Variants in CFLAR observed in about 807,000 individuals in gnomAD.
CFLAR encodes the protein CASP8 and FADD-like apoptosis regulator.
In CFLAR, 14 loss-of-function variants were observed where a neutral mutation model predicts 51.1. The observed-to-expected ratio is 0.27, with a 90% CI of 0.18 to 0.43. The LOEUF (loss-of-function observed/expected upper bound fraction) is 0.43, where lower values mean the gene tolerates loss of function less well. Ranked by LOEUF, CFLAR falls within the 20% of genes least tolerant of loss-of-function variation. CFLAR has a pLI of 1.00. For synonymous variants in CFLAR, 210 were observed against 211.6 expected (o/e 0.99, Z 0.06); for missense variants, 390 against 566.5 (o/e 0.69, Z 3.16).
chr2:201,140,133 G>GGT, intron 4 of CFLAR: 1 of 282,790 alleles, frequency 3.5e-6, no homozygotes, highest in Non-Finnish European at 6.5e-6. Context: ...GGGTGGGCTG[G>GGT]GGGCGGGGGC....
chr2:201,168,276 G>A lies in CFLAR; in HGVS notation c.*4303G>A, dbSNP rs1355778314. On this transcript the variant is annotated 3_prime_UTR_variant, in exon 10 of 10. Coordinates refer to ENST00000309955, the MANE Select transcript of CFLAR (RefSeq NM_003879.7). ...TAAATAAATAAATAATAAATAAAAT[G>A]TTTGGAATGTTGGCTTCATCCCTGG... 1.3e-5 allele frequency: 2 copies of A among 151,922 alleles called. No homozygotes were observed. The highest frequency in any genetic ancestry group is 2.9e-5 in the Non-Finnish European group (2 of 67,970). The allele number at this position is 151,922 out of a possible 1,614,324, so 9.4% of individuals were successfully genotyped here. A position where few individuals can be genotyped will look rare whatever the true frequency, so the allele number is the denominator to read the frequency against.
intron 8 of CFLAR, among the ~76,000 whole-genome samples, chr2:201,155,036 G>A (rs1484781954): frequency 6.6e-6 from 1 of 152,212 alleles, no homozygotes; most frequent in Non-Finnish European, 1.5e-5. Flanking sequence ...TGGTAGAATT[G>A]AAAAATAAGT....
chr2:201,129,905 G>C lies in CFLAR; in HGVS notation c.40G>C (p.Asp14His). The C allele has an allele frequency of 6.2e-7, 1 of 1,614,164 alleles. No individual in the cohort carries two copies. The highest frequency in any genetic ancestry group is 8.5e-7 in the Non-Finnish European group (1 of 1,180,028). Residue 14 changes from aspartate (D) to histidine (H), a missense_variant, in exon 2 of 10, where the codon GAT becomes CAT. Around this residue, in one of 2 missense-constraint regions of CFLAR, gnomAD observed 103 missense variants for 202.9 expected, o/e 0.51. Coordinates refer to ENST00000309955, the MANE Select transcript of CFLAR (RefSeq NM_003879.7). ...EVIHQVEEAL[D>H]TDEKEMLLFL... Reference sequence around the variant, plus strand: ...CATCCATCAGGTTGAAGAAGCACTTGATACAGATGAGAAGGAGATGCTGCT... The same window carrying C: ...CATCCATCAGGTTGAAGAAGCACTTCATACAGATGAGAAGGAGATGCTGCT...
chr2:201,159,344 CTGTT>C (rs1559246409), intron 8 of CFLAR, among the ~76,000 whole-genome samples: 3 of 151,826 alleles, frequency 2.0e-5, no homozygotes, highest in African/African-American at 7.3e-5. Flanking sequence ...GAGTCTCACT[CTGTT>C]GCCCAGGCTG....
At chr2:201,163,778 C>T in intron 9 of CFLAR, 57 bp from the exon 10 acceptor site, 4 of 1,567,408 alleles carry the variant, frequency 2.6e-6, no homozygotes, top group Non-Finnish European at 3.5e-6. Context: ...GCCCTAATGA[C>T]AGTCTTCTCT....
rs1308902839 is a variant in CFLAR at position 201,171,836 on chromosome 2, C to G, written c.*7863C>G. The stretch of plus-strand genomic sequence containing the variant: ...GTTAGCTCAGCCAAATTGAACAGCT[C>G]ATATCTCCTACCTCTGGATCTTTGG... On this transcript the variant is annotated 3_prime_UTR_variant, in exon 10 of 10. Transcript: ENST00000309955. The G allele has an allele frequency of 6.7e-6, 1 of 150,028 alleles. No individual in the cohort carries two copies. The highest frequency in any genetic ancestry group is 1.5e-5 in the Non-Finnish European group (1 of 68,034). The allele number at this position is 150,028 out of a possible 1,614,324, so 9.3% of individuals were successfully genotyped here.
intron 1 of CFLAR, among the ~76,000 whole-genome samples, chr2:201,126,923 A>C (rs2048769691): frequency 1.3e-5 from 2 of 152,214 alleles, no homozygotes. Flanking sequence ...CTTCTGCAAG[A>C]GAAATGAAAC....
intron 9 of CFLAR, among the ~76,000 whole-genome samples, chr2:201,161,255 C>T (rs1278322988): frequency 6.6e-6 from 1 of 152,046 alleles, no homozygotes; most frequent in East Asian, 1.9e-4. Flanking sequence ...CTTATAGTCC[C>T]AACTGCTTGG....
chr2:201,170,786 CA>C lies in CFLAR; in HGVS notation c.*6818del, dbSNP rs1453114585. 1.3e-5 allele frequency: 2 copies of C among 152,120 alleles called. No homozygotes were observed. The highest frequency in any genetic ancestry group is 4.8e-5 in the African/African-American group (2 of 41,432). 9.4% of individuals were successfully genotyped at this position (152,120 alleles called of 1,614,324 possible). On this transcript the variant is annotated 3_prime_UTR_variant, in exon 10 of 10. Transcript: ENST00000309955. ...ATTTTGAAGTCTGCTTTTTTTTACACAAAAATATGTTGTGAATATTTTCCTA... is the reference window on the plus strand; with the variant it reads ...ATTTTGAAGTCTGCTTTTTTTTACACAAAATATGTTGTGAATATTTTCCTA...
intron 9 of CFLAR, 90 bp downstream of exon 9, chr2:201,161,032 C>A: frequency 1.1e-6 from 1 of 898,182 alleles, no homozygotes; most frequent in East Asian, 2.5e-5. Flanking sequence ...ATTTGCTGCC[C>A]ATCTCTTCCG....
At position 201,164,228 on chromosome 2, in the gene CFLAR, G is replaced by A. The variant is rs530826788; in HGVS notation, c.*255G>A. The stretch of plus-strand genomic sequence containing the variant: ...CATAGCATGCTGTGATTGTGCCTAC[G>A]AATAGCCACTGCATACCAACCTGGG... On this transcript the variant is annotated 3_prime_UTR_variant, in exon 10 of 10. Transcript: ENST00000309955. 121 of 264,434 alleles carry A rather than the reference G, an allele frequency of 4.6e-4. No homozygotes were observed. Among genetic ancestry groups the A allele is most frequent in the African/African-American group, 2.4e-3 (104 of 43,906 alleles). The allele number at this position is 264,434 out of a possible 1,614,324, so 16.4% of individuals were successfully genotyped here.
At chr2:201,137,715 T>C (rs754973608) in intron 4 of CFLAR, 1 of 775,830 alleles carries the variant, frequency 1.3e-6, no homozygotes, top group Non-Finnish European at 2.3e-6. Flanking sequence ...GGACCCTTTG[T>C]CCTGGATGGA....
chr2:201,156,080 C>A (rs1942132522), intron 8 of CFLAR, among the ~76,000 whole-genome samples: 1 of 152,178 alleles, frequency 6.6e-6, no homozygotes, highest in Non-Finnish European at 1.5e-5. Context: ...TATTTATAAG[C>A]TTTGCTTCCC....
intron 8 of CFLAR, among the ~76,000 whole-genome samples, chr2:201,156,796 G>C (rs1401264757): frequency 1.3e-5 from 2 of 151,428 alleles, no homozygotes; most frequent in African/African-American, 4.9e-5. Flanking sequence ...GGTTGAGTGT[G>C]GGATTTCCAG....
rs1486733676 is a variant in CFLAR, at chr2:201,164,513, A to G, written c.*540A>G. ...TGTTTGAGGGCAGGAAGCATTCAGCATGAGAGAAAGATGGAGGCCAGAAGA... is the reference window on the plus strand; with the variant it reads ...TGTTTGAGGGCAGGAAGCATTCAGCGTGAGAGAAAGATGGAGGCCAGAAGA... On this transcript the variant is annotated 3_prime_UTR_variant, in exon 10 of 10. Transcript: ENST00000309955. 2.0e-5 allele frequency: 3 copies of G among 152,226 alleles called. No homozygotes were observed. The highest frequency in any genetic ancestry group is 7.2e-5 in the African/African-American group (3 of 41,424). The allele number at this position is 152,226 out of a possible 1,614,324, so 9.4% of individuals were successfully genotyped here. A position where few individuals can be genotyped will look rare whatever the true frequency, so the allele number is the denominator to read the frequency against.
Position 201,138,396 on chromosome 2 carries a change from T to C in CFLAR, c.524-1961T>C. On this transcript the variant is annotated intron_variant, in intron 4 of 9. Transcript: ENST00000309955. This position sits in a 1 kb window ranked among gnomAD's most constrained non-coding sequence, Gnocchi z 4.0. ...CGGTTCTTCAGCGCGGTGCAGGTGA[T>C]AATGGCCACCAGCTCATCGCGATCA... The C allele has an allele frequency of 1.3e-6, 1 of 781,062 alleles. No individual in the cohort carries two copies. 48.4% of individuals were successfully genotyped at this position (781,062 alleles called of 1,614,324 possible).
rs188452154 is a variant in CFLAR at position 201,163,906 on chromosome 2, C to T, written c.1376C>T (p.Ala459Val). 9.3e-6 allele frequency: 15 copies of T among 1,613,900 alleles called. No homozygotes were observed. In the South Asian group the frequency reaches 1.6e-4, roughly 18 times the overall value. ...YMYDWNSRVSAKEKYYVWLQH... is the reference protein window; with the variant it reads ...YMYDWNSRVSVKEKYYVWLQH... ...TATGATTGGAACAGCAGAGTTTCTG[C>T]CAAGGAGAAATATTATGTCTGGCTG... Residue 459 changes from alanine to valine, a missense_variant, in exon 10 of 10, where the codon GCC becomes GTC. This residue lies in a region of CFLAR where 287 missense variants were observed against 363.6 expected (regional missense o/e 0.79). Coordinates refer to ENST00000309955, the MANE Select transcript of CFLAR (RefSeq NM_003879.7).
rs1470339657 is a variant in CFLAR at position 201,171,254 on chromosome 2, CT to C, written c.*7283del. The C allele has an allele frequency of 2.6e-5, 4 of 152,010 alleles. No homozygotes were observed. Among genetic ancestry groups the C allele is most frequent in the African/African-American group, 9.7e-5 (4 of 41,370 alleles). The allele number at this position is 152,010 out of a possible 1,614,324, so 9.4% of individuals were successfully genotyped here. ...AATCTCACAAGTAACCACTTAATTACTTACGCATGTAACCAGATACCACCTG... is the reference window on the plus strand; with the variant it reads ...AATCTCACAAGTAACCACTTAATTACTACGCATGTAACCAGATACCACCTG... On this transcript the variant is annotated 3_prime_UTR_variant, in exon 10 of 10. Transcript: ENST00000309955.
In CFLAR at chr2:201,116,629, C is replaced by T; in HGVS notation, c.-138+148C>T. ...CCCCGCGCCGCTCCTCACAGCCCTGCGCTCCGGGAAACTGCAGGTGGCCGG... is the reference window on the plus strand; with the variant it reads ...CCCCGCGCCGCTCCTCACAGCCCTGTGCTCCGGGAAACTGCAGGTGGCCGG... On this transcript the variant is annotated intron_variant, in intron 1 of 9. Coordinates refer to ENST00000309955, the MANE Select transcript of CFLAR (RefSeq NM_003879.7). This position sits in a 1 kb window ranked among gnomAD's most constrained non-coding sequence, Gnocchi z 4.8. 1 of 153,574 alleles carries T rather than the reference C, an allele frequency of 6.5e-6. No homozygotes were observed. The highest frequency in any genetic ancestry group is 1.4e-5 in the Non-Finnish European group (1 of 69,068). 9.5% of individuals were successfully genotyped at this position (153,574 alleles called of 1,614,324 possible).
Sources: gnomAD v4.1 joint callset for allele counts (sites outside exome capture counted in the v4.1 genomes callset) on GRCh38, gnomAD v4.1.1 for gene constraint, gnomAD v4.1.1 regional missense constraint, Gnocchi (gnomAD v3.1) non-coding constraint, MANE v1.5 for transcripts, NCBI Gene and HGNC (gene_info 2026-07-23, HGNC 2026-07-21) for gene names.